The following RALA variants were observed in gnomAD, a reference collection of about 807,000 sequenced individuals.
The protein encoded by RALA is RAS like proto-oncogene A.
In RALA, 5 loss-of-function variants were observed where a neutral mutation model predicts 24.0. The observed-to-expected ratio is 0.21, with a 90% CI of 0.11 to 0.44. The LOEUF (loss-of-function observed/expected upper bound fraction) is 0.44. RALA is among the 20% of genes least tolerant of loss of function. The pLI, the probability that RALA is intolerant of heterozygous loss-of-function variation, is 0.99. For synonymous variants in RALA, 77 were observed against 83.8 expected, an observed-to-expected ratio of 0.92 and a Z score of 0.44; for missense variants, 95 against 241.2, an observed-to-expected ratio of 0.39 and a Z score of 4.01.
intron 1 of RALA, among the ~76,000 whole-genome samples, chr7:39,643,824 A>G (rs1390189780): frequency 2.6e-5 from 4 of 152,146 alleles, no homozygotes; most frequent in Admixed American, 2.0e-4. Context: ...CGCCACCTGC[A>G]CTCCAGCCTG....
At chr7:39,657,347 A>G (rs1206836137) in intron 1 of RALA, among the ~76,000 whole-genome samples, 8 of 152,184 alleles carry the variant, frequency 5.3e-5, no homozygotes, top group Non-Finnish European at 1.2e-4. Flanking sequence ...TTCCTCATAT[A>G]AAAAATGAAG....
chr7:39,688,918 G>A (rs1792759769), intron 2 of RALA, among the ~76,000 whole-genome samples: 1 of 152,212 alleles, frequency 6.6e-6, no homozygotes, highest in Non-Finnish European at 1.5e-5. Context: ...GGCAGAGGGT[G>A]AAGGGAAAGC....
intron 1 of RALA, among the ~76,000 whole-genome samples, chr7:39,678,247 G>A (rs1319361003): frequency 1.3e-5 from 2 of 151,162 alleles, no homozygotes; most frequent in Non-Finnish European, 2.9e-5. Context: ...TACTGTAACA[G>A]AATAAATGTG....
intron 1 of RALA, among the ~76,000 whole-genome samples, chr7:39,674,414 C>A (rs2116033496): frequency 6.6e-6 from 1 of 152,238 alleles, no homozygotes; most frequent in Middle Eastern, 3.4e-3. Context: ...ATTCTCGTAT[C>A]TGGTTTGAAT....
At position 39,699,135 on chromosome 7, in the gene RALA, T is replaced by TA. The variant is rs1792974392; in HGVS notation, c.498+2276_498+2277insA. ...CTAAAAATGTTATTTTTTTTTTTTT[T>TA]TTTTTTTTTTTTTTTTGAGACGGAG... is the stretch of plus-strand genomic sequence containing the variant. On this transcript the variant is annotated intron_variant, in intron 4 of 4. Coordinates refer to ENST00000005257, the MANE Select transcript of RALA (RefSeq NM_005402.4). Among the ~76,000 whole-genome samples the TA allele has an allele frequency of 2.4e-5, 3 of 122,682 alleles. No homozygotes were observed. In the South Asian group the frequency reaches 9.1e-4, roughly 37 times the overall value. 80.5% of individuals were successfully genotyped at this position (122,682 alleles called of 152,430 possible).
At chr7:39,636,668 C>G (rs148890902) in intron 1 of RALA, among the ~76,000 whole-genome samples, 149 of 152,316 alleles carry the variant, frequency 9.8e-4, no homozygotes, top group African/African-American at 3.5e-3. Flanking sequence ...AGTTTGTTCT[C>G]TCACTGCTAT....
chr7:39,693,016 C>T (rs146586929), intron 3 of RALA, among the ~76,000 whole-genome samples: 2,082 of 152,298 alleles, frequency 0.014, 47 homozygotes, highest in African/African-American at 0.047. Flanking sequence ...TGTGGCGATT[C>T]CTCAAGGATC....
In RALA at chr7:39,690,609, T is replaced by C. The variant is rs1310665162; in HGVS notation, c.323+19T>C. The C allele has an allele frequency of 3.8e-6, 6 of 1,565,122 alleles. No individual in the cohort carries two copies. The highest frequency in any genetic ancestry group is 3.5e-6 in the Non-Finnish European group (4 of 1,143,530). ...ACTTCAGGTATGTCCTAGAGTAATG[T>C]TGTTGCTTGTGACATACTATACAAC... On this transcript the variant is annotated intron_variant, in intron 3 of 4. Transcript: ENST00000005257.
chr7:39,628,282 T>G (rs1204222021), intron 1 of RALA, among the ~76,000 whole-genome samples: 3 of 152,090 alleles, frequency 2.0e-5, no homozygotes, highest in Non-Finnish European at 4.4e-5. Flanking sequence ...TGTGCTGTCA[T>G]AATATCTGTT....
At chr7:39,670,700 T>C (rs1320006383) in intron 1 of RALA, among the ~76,000 whole-genome samples, 1 of 152,202 alleles carries the variant, frequency 6.6e-6, no homozygotes, top group Non-Finnish European at 1.5e-5. Flanking sequence ...AATAGCAGTT[T>C]ATGAGTCTTT....
At chr7:39,669,623 G>A (rs943749727) in intron 1 of RALA, among the ~76,000 whole-genome samples, 1 of 151,982 alleles carries the variant, frequency 6.6e-6, no homozygotes, top group African/African-American at 2.4e-5. Context: ...ACCAGCCTGA[G>A]CAACATAGTG....
intron 4 of RALA, chr7:39,700,912 A>G (rs1168423051): frequency 6.6e-6 from 1 of 152,230 alleles, no homozygotes; most frequent in East Asian, 1.9e-4. Flanking sequence ...CAACTATTCA[A>G]TTTCCAGAAT....
intron 3 of RALA, among the ~76,000 whole-genome samples, chr7:39,693,432 G>A (rs367738421): frequency 7.2e-5 from 11 of 152,140 alleles, no homozygotes; most frequent in African/African-American, 2.4e-4. Context: ...GTGGGGGACT[G>A]GGGGAGGGAT....
chr7:39,664,011 G>T (rs1362134459), intron 1 of RALA, among the ~76,000 whole-genome samples: 3 of 152,212 alleles, frequency 2.0e-5, no homozygotes, highest in Non-Finnish European at 4.4e-5. Flanking sequence ...GAGGCAGCAG[G>T]TGAATTCCCA....
chr7:39,658,107 C>T (rs1792125363), intron 1 of RALA, among the ~76,000 whole-genome samples: 1 of 152,188 alleles, frequency 6.6e-6, no homozygotes, highest in Admixed American at 6.5e-5. Flanking sequence ...CTTTCTTGAG[C>T]ACACAGACAG....
intron 3 of RALA, among the ~76,000 whole-genome samples, chr7:39,696,404 A>G (rs1245646580): frequency 6.6e-6 from 1 of 152,208 alleles, no homozygotes; most frequent in East Asian, 1.9e-4. Flanking sequence ...GAGAATTACC[A>G]TGGCCAACTC....
In RALA at chr7:39,690,685, C is replaced by G. The variant is rs78696363; in HGVS notation, c.323+95C>G. On this transcript the variant is annotated intron_variant, in intron 3 of 4. Coordinates refer to ENST00000005257, the MANE Select transcript of RALA (RefSeq NM_005402.4). ...CAACTAGAGGTTCTAACTTGTTAGT[C>G]TTTTACTCTGTCTCTAATTGTGTTT... 9.1e-3 allele frequency: 8,604 copies of G among 945,978 alleles called. 48 individuals are homozygous for G. The highest frequency in any genetic ancestry group is 0.012 in the Non-Finnish European group (7,827 of 638,762). 58.6% of individuals were successfully genotyped at this position (945,978 alleles called of 1,614,324 possible). A position where few individuals can be genotyped will look rare whatever the true frequency, so the allele number is the denominator to read the frequency against.
chr7:39,663,961 A>C lies in RALA; in HGVS notation c.-37-22670A>C, dbSNP rs1405784519. Among the ~76,000 whole-genome samples the C allele has an allele frequency of 2.6e-5, 4 of 152,246 alleles. 1 individual carries two copies. Among genetic ancestry groups the C allele is most frequent in the Admixed American group, 2.0e-4 (3 of 15,284 alleles). On this transcript the variant is annotated intron_variant, in intron 1 of 4. Transcript: ENST00000005257. ...ATTTTAGAAAGAGGTTTGGCTTTTTAAATGTCAAGATAACATGAGAAGCAG... is the reference window on the plus strand; with the variant it reads ...ATTTTAGAAAGAGGTTTGGCTTTTTCAATGTCAAGATAACATGAGAAGCAG...
intron 1 of RALA, among the ~76,000 whole-genome samples, chr7:39,678,583 T>C (rs984531075): frequency 6.6e-6 from 1 of 152,204 alleles, no homozygotes; most frequent in Non-Finnish European, 1.5e-5. Flanking sequence ...GGATATCACT[T>C]TAAAAAGTTG....
Sources: allele counts gnomAD v4.1 joint callset (sites outside exome capture counted in the v4.1 genomes callset), GRCh38; gene constraint gnomAD v4.1.1; transcripts MANE v1.5; gene names NCBI Gene and HGNC (gene_info 2026-07-23, HGNC 2026-07-21).